Variants in C1QTNF7 observed in about 807,000 individuals in gnomAD.
C1QTNF7 encodes C1q and TNF related 7.
C1QTNF7 carries 15 observed loss-of-function variants against 19.6 expected under a neutral mutation model. The ratio of observed to expected loss-of-function variants is 0.76; its 90% confidence interval spans 0.51 to 1.18. The LOEUF (loss-of-function observed/expected upper bound fraction) is 1.18, where lower values mean the gene tolerates loss of function less well. Among genes scored for constraint, C1QTNF7 ranks in the 50% most tolerant of loss-of-function variants. C1QTNF7 has a pLI of 0.00. For synonymous variants in C1QTNF7, 142 were observed against 137.5 expected (o/e 1.03, Z -0.23); for missense variants, 324 against 359.7 (o/e 0.90, Z 0.80).
At chr4:15,348,700 A>G (rs1308261744) in intron 1 of C1QTNF7, among the ~76,000 whole-genome samples, 2 of 152,232 alleles carry the variant, frequency 1.3e-5, no homozygotes, top group African/African-American at 4.8e-5. Flanking sequence ...AAGAAAACTC[A>G]TACATCTGGA....
chr4:15,432,594 C>T (rs890531279), intron 1 of C1QTNF7, among the ~76,000 whole-genome samples: 2 of 152,162 alleles, frequency 1.3e-5, no homozygotes, highest in African/African-American at 4.8e-5. Context: ...TGGGTTTCAC[C>T]ATATTGGCCA....
intron 1 of C1QTNF7, among the ~76,000 whole-genome samples, chr4:15,363,160 A>T: frequency 6.6e-6 from 1 of 152,056 alleles, no homozygotes. Flanking sequence ...GTATTTTTTT[A>T]TCTTAAGCTT....
intron 1 of C1QTNF7, among the ~76,000 whole-genome samples, chr4:15,375,927 A>G (rs1717922078): frequency 6.6e-6 from 1 of 152,174 alleles, no homozygotes; most frequent in Non-Finnish European, 1.5e-5. Context: ...CATTTCCAGT[A>G]TGTCAGTCAT....
chr4:15,352,204 AT>A (rs568879535), intron 1 of C1QTNF7, among the ~76,000 whole-genome samples: 173 of 152,272 alleles, frequency 1.1e-3, no homozygotes, highest in African/African-American at 4.0e-3. Flanking sequence ...TAAATTTCCC[AT>A]TGTGTGTCCA....
At chr4:15,381,077 T>C (rs1225874148) in intron 1 of C1QTNF7, among the ~76,000 whole-genome samples, 1 of 152,004 alleles carries the variant, frequency 6.6e-6, no homozygotes, top group Non-Finnish European at 1.5e-5. Flanking sequence ...AATATATAAA[T>C]TGGACTATAT....
chr4:15,343,757 TAATTA>T (rs1716625661), intron 1 of C1QTNF7, among the ~76,000 whole-genome samples: 1 of 152,204 alleles, frequency 6.6e-6, no homozygotes, highest in Admixed American at 6.5e-5. Context: ...GTAATACCAG[TAATTA>T]GTCACATTCT....
intron 1 of C1QTNF7, among the ~76,000 whole-genome samples, chr4:15,380,340 C>A (rs930642407): frequency 6.6e-6 from 1 of 151,906 alleles, no homozygotes; most frequent in African/African-American, 2.4e-5. Context: ...TGTAGCTATC[C>A]AAGGATGCCA....
At chr4:15,439,308 C>A (rs2192358) in intron 2 of C1QTNF7, among the ~76,000 whole-genome samples, 40,244 of 152,130 alleles carry the variant, frequency 0.26, 6,161 homozygotes, top group Middle Eastern at 0.35. Flanking sequence ...ACTTTCAGGC[C>A]GTGAAGGCCT....
chr4:15,369,280 C>G (rs1379038332), intron 1 of C1QTNF7, among the ~76,000 whole-genome samples: 1 of 152,206 alleles, frequency 6.6e-6, no homozygotes, highest in Non-Finnish European at 1.5e-5. Context: ...AGGCAAGTCT[C>G]TCCTTCCTCT....
In C1QTNF7 at chr4:15,371,630, T is replaced by A. The variant is rs549030264; in HGVS notation, c.13+31423T>A. Among the ~76,000 whole-genome samples, 7 of 151,930 alleles carry A rather than the reference T, an allele frequency of 4.6e-5. No homozygotes were observed. The South Asian group carries it at 1.2e-3, about 27-fold the overall frequency. Reference sequence around the variant, plus strand: ...TGACATCCTATGAAAGGAGAAAAAATTATAAAGGGGAAGTGTAGGACAGTA... The same window carrying A: ...TGACATCCTATGAAAGGAGAAAAAAATATAAAGGGGAAGTGTAGGACAGTA... On this transcript the variant is annotated intron_variant, in intron 1 of 2. Transcript: ENST00000295297.
At chr4:15,397,533 T>G (rs1718831065) in intron 1 of C1QTNF7, among the ~76,000 whole-genome samples, 1 of 152,232 alleles carries the variant, frequency 6.6e-6, no homozygotes, top group Non-Finnish European at 1.5e-5. Flanking sequence ...CACCTCTGGC[T>G]ATCTCTAGAG....
chr4:15,356,267 C>T (rs369371112), intron 1 of C1QTNF7, among the ~76,000 whole-genome samples: 17 of 152,146 alleles, frequency 1.1e-4, no homozygotes, highest in South Asian at 2.1e-4. Context: ...AACCCCCTGA[C>T]GGGCCCAGGT....
intron 1 of C1QTNF7, among the ~76,000 whole-genome samples, chr4:15,396,310 C>T (rs1329328312): frequency 5.3e-5 from 8 of 152,140 alleles, no homozygotes; most frequent in Non-Finnish European, 7.3e-5. Context: ...TTGAGAGGCT[C>T]TGGCTGTGCC....
chr4:15,396,862 C>T (rs1468342103), intron 1 of C1QTNF7, among the ~76,000 whole-genome samples: 1 of 152,114 alleles, frequency 6.6e-6, no homozygotes, highest in Non-Finnish European at 1.5e-5. Flanking sequence ...ACACAGGCAA[C>T]TCAGGGGGTG....
chr4:15,376,341 C>T lies in C1QTNF7; in HGVS notation c.13+36134C>T, dbSNP rs150428777. Among the ~76,000 whole-genome samples the T allele has an allele frequency of 1.3e-4, 20 of 152,324 alleles. No homozygotes were observed. The East Asian group carries it at 3.5e-3, about 26-fold the overall frequency. ...GGGGAAATATTTACTGAGCATTTGT[C>T]GTGTGCTGGGCCCTTCCTAAACATG... is the stretch of plus-strand genomic sequence containing the variant. On this transcript the variant is annotated intron_variant, in intron 1 of 2. Transcript: ENST00000295297.
chr4:15,349,330 CT>C (rs981012953), intron 1 of C1QTNF7, among the ~76,000 whole-genome samples: 8 of 152,232 alleles, frequency 5.3e-5, no homozygotes, highest in East Asian at 3.9e-4. Context: ...ACTCTAAATT[CT>C]TTTTTTCTTT....
intron 2 of C1QTNF7, among the ~76,000 whole-genome samples, chr4:15,440,477 G>A (rs1712711964): frequency 6.7e-6 from 1 of 149,502 alleles, no homozygotes. Flanking sequence ...GCGCAATCTC[G>A]GCTCGCTGCA....
chr4:15,346,488 C>T (rs955928972), intron 1 of C1QTNF7, among the ~76,000 whole-genome samples: 11 of 152,162 alleles, frequency 7.2e-5, no homozygotes, highest in Admixed American at 6.5e-4. Flanking sequence ...ATTTTGAGAG[C>T]TGTCATGAAA....
intron 1 of C1QTNF7, among the ~76,000 whole-genome samples, chr4:15,355,389 GAAAC>G (rs1235482709): frequency 1.3e-5 from 2 of 152,098 alleles, no homozygotes; most frequent in Non-Finnish European, 1.5e-5. Flanking sequence ...TTAAATAATA[GAAAC>G]TAATATGGAT....
Sources: allele counts gnomAD v4.1 joint callset (sites outside exome capture counted in the v4.1 genomes callset), GRCh38; gene constraint gnomAD v4.1.1; transcripts MANE v1.5; gene names NCBI Gene and HGNC (gene_info 2026-07-23, HGNC 2026-07-21).